Variants in POLD3 observed in about 807,000 individuals in gnomAD.
The protein encoded by POLD3 is DNA polymerase delta subunit 3.
In POLD3, 19 loss-of-function variants were observed where a neutral mutation model predicts 58.2. The ratio of observed to expected loss-of-function variants is 0.33; its 90% CI spans 0.23 to 0.48. The LOEUF (loss-of-function observed/expected upper bound fraction) is 0.48, where lower values mean the gene tolerates loss of function less well. POLD3 is among the 20% of genes least tolerant of loss of function. The pLI is 0.99. For synonymous variants in POLD3, 172 were observed against 193.5 expected (o/e 0.89, Z 0.92); for missense variants, 504 against 545.5 (o/e 0.92, Z 0.76).
chr11:74,638,499 C>T, intron 11 of POLD3: 1 of 393,726 alleles, frequency 2.5e-6, no homozygotes, highest in African/African-American at 2.1e-5. Context: ...TCTTATACCA[C>T]CAACTAGTAG....
rs543637409 is a variant in POLD3, at chr11:74,642,677, A to G, written c.*1911A>G. 1.0e-6 allele frequency: 1 copy of G among 983,824 alleles called. No homozygotes were observed. Among genetic ancestry groups the G allele is most frequent in the African/African-American group, 1.7e-5 (1 of 57,308 alleles). The allele number at this position is 983,824 out of a possible 1,614,324, so 60.9% of individuals were successfully genotyped here. On this transcript the variant is annotated 3_prime_UTR_variant, in exon 12 of 12. Transcript: ENST00000263681. ...TGTTTTTTTTTTCTTTTTATACAAT[A>G]CCATGTTAACCACATGAGTTAAATA...
chr11:74,657,906 A>G (rs2033156935), intron 4 of POLD3, among the ~76,000 whole-genome samples: 1 of 152,192 alleles, frequency 6.6e-6, no homozygotes, highest in Non-Finnish European at 1.5e-5. Context: ...TTCACCAGAT[A>G]TACTATTCTA....
intron 4 of POLD3, chr11:74,668,710 TA>T: frequency 8.9e-7 from 1 of 1,124,754 alleles, no homozygotes; most frequent in South Asian, 1.3e-5. Context: ...AGAATGGGGT[TA>T]GGGGGTATAA....
At chr11:74,669,054 G>A (rs756112644) in exon 5 of POLD3, 1 of 300,844 alleles carries the variant, frequency 3.3e-6, no homozygotes, top group African/African-American at 2.3e-5. Context: ...TGGGTGTGTG[G>A]TGCAGGGACA....
chr11:74,652,387 C>T (rs1471454801), intron 4 of POLD3, among the ~76,000 whole-genome samples: 1 of 152,214 alleles, frequency 6.6e-6, no homozygotes, highest in African/African-American at 2.4e-5. Flanking sequence ...GCCAACTTGT[C>T]TTCCCAAAGG....
At chr11:74,659,088 C>G (rs574645008) in intron 4 of POLD3, among the ~76,000 whole-genome samples, 40 of 152,368 alleles carry the variant, frequency 2.6e-4, no homozygotes, top group African/African-American at 8.9e-4. Context: ...CATTTCCATA[C>G]ATCTTCTGAA....
downstream of POLD3, among the ~76,000 whole-genome samples, chr11:74,647,287 G>C (rs1310260648): frequency 1.3e-5 from 2 of 152,194 alleles, no homozygotes; most frequent in African/African-American, 2.4e-5. Flanking sequence ...TTTACGGAAG[G>C]CAGAACCATT....
chr11:74,638,711 G>C (rs1299554374), intron 11 of POLD3: 1 of 453,864 alleles, frequency 2.2e-6, no homozygotes, highest in Non-Finnish European at 4.4e-6. Flanking sequence ...TTATCTTAGA[G>C]CAACATTTCT....
At chr11:74,648,107 CA>C (rs1381566269) in intron 4 of POLD3, among the ~76,000 whole-genome samples, 1 of 152,192 alleles carries the variant, frequency 6.6e-6, no homozygotes, top group East Asian at 1.9e-4. Flanking sequence ...TTGTGATTAG[CA>C]AACCTGCATG....
intron 3 of POLD3, among the ~76,000 whole-genome samples, chr11:74,606,193 A>G (rs1210691204): frequency 8.5e-5 from 13 of 152,268 alleles, no homozygotes; most frequent in Admixed American, 8.5e-4. Context: ...GGCAAGCCAA[A>G]TGATAACCAA....
intron 2 of POLD3, among the ~76,000 whole-genome samples, chr11:74,596,514 G>A (rs2031264137): frequency 6.6e-6 from 1 of 152,056 alleles, no homozygotes; most frequent in Admixed American, 6.6e-5. Context: ...AAATAAAGTT[G>A]TATGTATTTA....
chr11:74,661,155 G>T (rs11236198), intron 4 of POLD3, among the ~76,000 whole-genome samples: 17,213 of 151,974 alleles, frequency 0.11, 1,173 homozygotes, highest in African/African-American at 0.18. Flanking sequence ...TGAATTTTCT[G>T]TCTGAAAGGT....
At chr11:74,598,483 C>G (rs2031357714) in intron 2 of POLD3, among the ~76,000 whole-genome samples, 1 of 152,174 alleles carries the variant, frequency 6.6e-6, no homozygotes, top group South Asian at 2.1e-4. Context: ...CTGGAAACAT[C>G]ATTTTATTAT....
At chr11:74,628,953 A>G in intron 8 of POLD3, 1 of 278,650 alleles carries the variant, frequency 3.6e-6, no homozygotes, top group Non-Finnish European at 6.7e-6. Flanking sequence ...AGGAATTTGG[A>G]AAGATTCTTG....
intron 8 of POLD3, among the ~76,000 whole-genome samples, chr11:74,627,203 G>A (rs2032457177): frequency 6.6e-6 from 1 of 152,132 alleles, no homozygotes; most frequent in Non-Finnish European, 1.5e-5. Flanking sequence ...TGTGGAGGTG[G>A]AAGACAATGA....
chr11:74,622,322 A>G (rs1468574256), intron 7 of POLD3, among the ~76,000 whole-genome samples: 1 of 152,134 alleles, frequency 6.6e-6, no homozygotes, highest in African/African-American at 2.4e-5. Flanking sequence ...ATAGTGCCAC[A>G]ATAAACATAC....
chr11:74,647,996 C>T (rs567931090), downstream of POLD3, among the ~76,000 whole-genome samples: 9 of 152,016 alleles, frequency 5.9e-5, no homozygotes, highest in Non-Finnish European at 1.0e-4. Context: ...CAGGAAGGCT[C>T]GGAGAGTTTA....
intron 7 of POLD3, 78 bp downstream of exon 7, chr11:74,620,167 C>G (rs2032209407): frequency 2.7e-6 from 3 of 1,125,388 alleles, no homozygotes; most frequent in African/African-American, 1.5e-5. Flanking sequence ...GTGAAAGCCA[C>G]TTTGTCTAGT....
chr11:74,602,041 T>C (rs537332738), intron 2 of POLD3, among the ~76,000 whole-genome samples: 14 of 152,312 alleles, frequency 9.2e-5, no homozygotes, highest in African/African-American at 3.1e-4. Context: ...TTACCTGTCA[T>C]TGCTAGAGAT....
Sources: allele counts gnomAD v4.1 joint callset (sites outside exome capture counted in the v4.1 genomes callset), GRCh38; gene constraint gnomAD v4.1.1; transcripts MANE v1.5; gene names NCBI Gene and HGNC (gene_info 2026-07-23, HGNC 2026-07-21).